TLN2: variants seen among roughly 807,000 people sequenced by gnomAD.
TLN2 encodes the protein talin-2.
Under a neutral mutation model 294.7 loss-of-function variants are expected in TLN2, and 118 were observed. That is an observed-to-expected ratio of 0.40 (90% CI 0.34 to 0.47). The LOEUF (loss-of-function observed/expected upper bound fraction) is 0.47, where lower values mean the gene tolerates loss of function less well. Among genes scored for constraint, TLN2 ranks in the 20% least tolerant of loss-of-function variants. TLN2 has a pLI of 0.84. For missense variants in TLN2, 3,083 were observed against 3,282.2 expected, an observed-to-expected ratio of 0.94 and a Z score of 1.48; for synonymous variants, 1,431 against 1,304.5, an observed-to-expected ratio of 1.10 and a Z score of -2.09.
chr15:62,790,485 C>T (rs1416617068), intron 45 of TLN2, among the ~76,000 whole-genome samples: 1 of 152,202 alleles, frequency 6.6e-6, no homozygotes, highest in Non-Finnish European at 1.5e-5. Flanking sequence ...AGGCAAATCA[C>T]ATCACTTCTC....
At chr15:62,418,418 A>G (rs905183879) in intron 1 of TLN2, among the ~76,000 whole-genome samples, 8 of 152,384 alleles carry the variant, frequency 5.2e-5, no homozygotes, top group African/African-American at 1.9e-4. Context: ...TAACTTGGAA[A>G]GAGAAATCCT....
intron 2 of TLN2, among the ~76,000 whole-genome samples, chr15:62,603,397 T>C (rs752338881): frequency 1.3e-5 from 2 of 152,204 alleles, no homozygotes; most frequent in Non-Finnish European, 2.9e-5. Flanking sequence ...CTCTGCTTTT[T>C]TCATTTAATT....
rs141871337 is a variant in TLN2 at position 62,557,732 on chromosome 15, G to A, written c.-237-31955G>A. ...AATTTTTTATTTTTAGTAGAGACGG[G>A]GTTTCACTATGTTGGCCAGGCTGGT... is the stretch of plus-strand genomic sequence containing the variant. On this transcript the variant is annotated intron_variant, in intron 1 of 58. Transcript: ENST00000636159. Among the ~76,000 whole-genome samples the A allele has an allele frequency of 5.9e-3, 898 of 152,208 alleles. 5 individuals carry two copies. The highest frequency in any genetic ancestry group is 0.02 in the African/African-American group (820 of 41,522).
intron 1 of TLN2, among the ~76,000 whole-genome samples, chr15:62,526,228 C>T (rs2040732416): frequency 6.6e-6 from 1 of 152,156 alleles, no homozygotes; most frequent in Non-Finnish European, 1.5e-5. Flanking sequence ...CTCCCAGGTT[C>T]AAGCGATTCT....
chr15:62,427,423 C>T (rs1387624726), intron 1 of TLN2, among the ~76,000 whole-genome samples: 1 of 152,126 alleles, frequency 6.6e-6, no homozygotes, highest in East Asian at 1.9e-4. Flanking sequence ...GAGGTGTCCT[C>T]CACTTGCTGA....
chr15:62,582,294 T>C (rs921589539), intron 1 of TLN2, among the ~76,000 whole-genome samples: 1 of 149,746 alleles, frequency 6.7e-6, no homozygotes, highest in Non-Finnish European at 1.5e-5. Flanking sequence ...CCCCAGTTTT[T>C]TGGGGCCCCC....
chr15:62,738,301 G>A lies in TLN2; in HGVS notation c.3655G>A (p.Gly1219Arg). 10 of 1,614,066 alleles carry A rather than the reference G, an allele frequency of 6.2e-6. No homozygotes were observed. The highest frequency in any genetic ancestry group is 3.3e-5 in the South Asian group (3 of 91,032). Residue 1219 changes from glycine to arginine, a missense_variant, in exon 30 of 59, where the codon GGG (glycine) becomes AGG (arginine). Physicochemically the swap from Gly to Arg is moderately radical, Grantham distance 125 (BLOSUM62 -2). Transcript: ENST00000636159. The part of the protein sequence containing the change: ...KDVDVALKSI[G>R]ESSKKLLVDS... ...TGTGGACGTGGCCTTGAAGAGCATC[G>A]GGGAGTCCAGCAAGAAGCTGCTTGT... is the stretch of plus-strand genomic sequence containing the variant.
chr15:62,648,404 C>CAAAAAAAA (rs66528062), intron 4 of TLN2, among the ~76,000 whole-genome samples: 6 of 61,892 alleles, frequency 9.7e-5, no homozygotes, highest in Admixed American at 2.3e-4. Flanking sequence ...GACCCTGACT[C>CAAAAAAAA]AAAAAAAAAA....
intron 23 of TLN2, 137 bp downstream of exon 23, chr15:62,716,596 G>A: frequency 8.1e-7 from 1 of 1,232,646 alleles, no homozygotes; most frequent in Non-Finnish European, 1.1e-6. Flanking sequence ...GAAGGTTTGA[G>A]TACTATAAAA....
At chr15:62,716,521 G>C in intron 23 of TLN2, 62 bp downstream of exon 23, 1 of 1,531,868 alleles carries the variant, frequency 6.5e-7, no homozygotes, top group South Asian at 1.3e-5. Context: ...TATTTGAAAA[G>C]ATAGTTGAAT....
At chr15:62,832,408 A>C (rs2068961715) in intron 54 of TLN2, 1 of 151,114 alleles carries the variant, frequency 6.6e-6, no homozygotes, top group Admixed American at 6.6e-5. Context: ...AAATTGACCT[A>C]GAGTCACGGA....
chr15:62,555,479 T>G (rs2042553537), intron 1 of TLN2, among the ~76,000 whole-genome samples: 1 of 152,252 alleles, frequency 6.6e-6, no homozygotes, highest in Admixed American at 6.5e-5. Context: ...TTGTAAATAA[T>G]GTCACTTTCT....
chr15:62,828,143 C>G (rs1270266797), intron 54 of TLN2: 1 of 152,356 alleles, frequency 6.6e-6, no homozygotes, highest in Non-Finnish European at 1.5e-5. Flanking sequence ...TAGCCTTTCC[C>G]AAGAGGGATC....
At chr15:62,706,961 AAG>A (rs2059113459) in intron 19 of TLN2, 123 bp from the exon 20 acceptor site, 1 of 1,214,724 alleles carries the variant, frequency 8.2e-7, no homozygotes, top group Middle Eastern at 2.6e-4. Flanking sequence ...TTTCAAAAAA[AAG>A]TAAAAAAACT....
intron 1 of TLN2, among the ~76,000 whole-genome samples, chr15:62,525,785 C>T (rs945491861): frequency 6.6e-6 from 1 of 152,206 alleles, no homozygotes; most frequent in African/African-American, 2.4e-5. Flanking sequence ...CTGCCCTCAC[C>T]TGTTCCCCCC....
chr15:62,573,074 C>T (rs2044042047), intron 1 of TLN2, among the ~76,000 whole-genome samples: 3 of 152,236 alleles, frequency 2.0e-5, no homozygotes, highest in Admixed American at 1.3e-4. Context: ...CTGACCCTTA[C>T]CTGTCTGTAA....
At chr15:62,762,777 A>C (rs2062756226) in intron 39 of TLN2, among the ~76,000 whole-genome samples, 1 of 152,212 alleles carries the variant, frequency 6.6e-6, no homozygotes, top group Non-Finnish European at 1.5e-5. Flanking sequence ...AGGTCACCTT[A>C]AGGCCCAATG....
intron 2 of TLN2, among the ~76,000 whole-genome samples, chr15:62,598,216 T>C (rs1293163237): frequency 6.6e-6 from 1 of 152,210 alleles, no homozygotes; most frequent in Non-Finnish European, 1.5e-5. Context: ...GGTGGGTGAC[T>C]TCTGAGACCT....
chr15:62,511,843 A>T (rs916852633), intron 1 of TLN2, among the ~76,000 whole-genome samples: 2 of 152,168 alleles, frequency 1.3e-5, no homozygotes, highest in African/African-American at 2.4e-5. Context: ...CCTTTAGTTA[A>T]AACAAAAATC....
Sources: gnomAD v4.1 joint callset for allele counts (sites outside exome capture counted in the v4.1 genomes callset) on GRCh38, gnomAD v4.1.1 for gene constraint, MANE v1.5 for transcripts, NCBI Gene and HGNC (gene_info 2026-07-23, HGNC 2026-07-21) for gene names.